SDK1: variants seen among roughly 807,000 people sequenced by gnomAD.
SDK1 encodes sidekick cell adhesion molecule 1.
SDK1 carries 157 observed loss-of-function variants against 245.5 expected under a neutral mutation model. The observed-to-expected ratio is 0.64, with a 90% confidence interval of 0.56 to 0.73. The LOEUF (loss-of-function observed/expected upper bound fraction) is 0.73, where lower values mean the gene tolerates loss of function less well. Ranked by LOEUF, SDK1 falls within the 30% of genes least tolerant of loss-of-function variation. The pLI, the probability that SDK1 is intolerant of heterozygous loss-of-function variation, is 0.00. For synonymous variants in SDK1, 1,647 were observed against 1,278.5 expected (o/e 1.29, Z -6.15); for missense variants, 3,583 against 3,002.3 (o/e 1.19, Z -4.52).
At chr7:4,007,307 A>T (rs1217819814) in intron 14 of SDK1, among the ~76,000 whole-genome samples, 2 of 152,166 alleles carry the variant, frequency 1.3e-5, no homozygotes, top group Non-Finnish European at 2.9e-5. Flanking sequence ...GCAGTTGCAG[A>T]ACCCCAGAAG....
At chr7:3,808,512 C>G (rs1232694097) in intron 4 of SDK1, among the ~76,000 whole-genome samples, 2 of 152,212 alleles carry the variant, frequency 1.3e-5, no homozygotes, top group Non-Finnish European at 2.9e-5. Context: ...GTAAATAATG[C>G]AAGGCCTCAA....
intron 1 of SDK1, among the ~76,000 whole-genome samples, chr7:3,474,183 A>G (rs192478661): frequency 8.8e-4 from 116 of 131,334 alleles, no homozygotes; most frequent in African/African-American, 3.4e-3. Flanking sequence ...GCTCACTGCA[A>G]CCTCTGCCTC....
rs1396495044 is a variant in SDK1, at chr7:4,162,006, C to T, written c.4800+150C>T. 10 of 612,086 alleles carry T rather than the reference C, an allele frequency of 1.6e-5. 1 individual carries two copies. In the South Asian group the frequency reaches 1.7e-4, roughly 10 times the overall value. 37.9% of individuals were successfully genotyped at this position (612,086 alleles called of 1,614,324 possible). On this transcript the variant is annotated intron_variant, in intron 32 of 44. Coordinates refer to ENST00000404826, the MANE Select transcript of SDK1 (RefSeq NM_152744.4). Reference sequence around the variant, plus strand: ...GGAGACACACCCTCAGACTCAAAAACGCGAGGGGGAAATGGTGTCAATTAT... The same window carrying T: ...GGAGACACACCCTCAGACTCAAAAATGCGAGGGGGAAATGGTGTCAATTAT...
intron 1 of SDK1, among the ~76,000 whole-genome samples, chr7:3,590,477 G>A (rs1431421162): frequency 2.6e-5 from 4 of 151,986 alleles, no homozygotes; most frequent in Admixed American, 6.6e-5. Context: ...GTGAATTGAC[G>A]ATTTAAGATA....
chr7:4,161,583 A>C (rs1220449736), intron 31 of SDK1, among the ~76,000 whole-genome samples: 1 of 152,132 alleles, frequency 6.6e-6, no homozygotes. Flanking sequence ...GCCATTGTTA[A>C]GGTTGGCTCC....
At chr7:3,449,933 T>C (rs1185318667) in intron 1 of SDK1, among the ~76,000 whole-genome samples, 2 of 152,180 alleles carry the variant, frequency 1.3e-5, no homozygotes, top group African/African-American at 4.8e-5. Flanking sequence ...CAGGATGCCA[T>C]GAAAACGTAG....
chr7:3,918,471 T>C (rs1041761927), intron 5 of SDK1, among the ~76,000 whole-genome samples: 6 of 152,232 alleles, frequency 3.9e-5, no homozygotes, highest in Non-Finnish European at 7.3e-5. Context: ...TAATGCCTGA[T>C]GATCTGTCCC....
intron 4 of SDK1, among the ~76,000 whole-genome samples, chr7:3,650,637 C>A (rs1738018927): frequency 2.0e-5 from 3 of 152,140 alleles, no homozygotes. Context: ...GATACATCAA[C>A]AAACAGAAGG....
intron 14 of SDK1, among the ~76,000 whole-genome samples, chr7:3,992,831 T>C (rs1005433810): frequency 2.0e-5 from 3 of 152,186 alleles, no homozygotes; most frequent in African/African-American, 4.8e-5. Context: ...AGAAATCTTA[T>C]AGTAGTGCAC....
intron 1 of SDK1, among the ~76,000 whole-genome samples, chr7:3,527,863 T>A (rs1562541318): frequency 6.7e-6 from 1 of 150,016 alleles, no homozygotes. Flanking sequence ...GAGGTGAGGC[T>A]GGATGATAGT....
In SDK1 at chr7:3,971,446, G is replaced by A. The variant is rs368582153; in HGVS notation, c.1715-20G>A. The A allele has an allele frequency of 2.4e-5, 38 of 1,565,972 alleles. No homozygotes were observed. The African/African-American group carries it at 3.1e-4, about 13-fold the overall frequency. Reference sequence around the variant, plus strand: ...TCAAACTTGTCATTTCGTCTGACTCGTGACTTGTGTTTTTTTCAGATCGGA... The same window carrying A: ...TCAAACTTGTCATTTCGTCTGACTCATGACTTGTGTTTTTTTCAGATCGGA... On this transcript the variant is annotated intron_variant, in intron 11 of 44. Transcript: ENST00000404826.
chr7:3,305,573 C>T (rs1779395361), intron 1 of SDK1, among the ~76,000 whole-genome samples: 1 of 152,158 alleles, frequency 6.6e-6, no homozygotes, highest in Admixed American at 6.5e-5. Context: ...CTTTGCTTCC[C>T]CTCCTCCTAA....
intron 5 of SDK1, among the ~76,000 whole-genome samples, chr7:3,828,420 C>G (rs1047540589): frequency 2.6e-5 from 4 of 151,756 alleles, no homozygotes; most frequent in Non-Finnish European, 4.4e-5. Flanking sequence ...GAAATTTTAT[C>G]TATGAAAAAG....
intron 17 of SDK1, among the ~76,000 whole-genome samples, chr7:4,044,104 G>T (rs1788840919): frequency 6.6e-6 from 1 of 152,198 alleles, no homozygotes; most frequent in South Asian, 2.1e-4. Flanking sequence ...TGATTTTGCG[G>T]GTCAGGAGTT....
At chr7:4,116,467 G>T (rs942506173) in intron 25 of SDK1, among the ~76,000 whole-genome samples, 1 of 152,194 alleles carries the variant, frequency 6.6e-6, no homozygotes, top group Non-Finnish European at 1.5e-5. Context: ...GGCCTGGGAA[G>T]CTCTGGATAA....
chr7:4,117,194 C>A (rs556080245), intron 25 of SDK1, among the ~76,000 whole-genome samples: 1 of 152,306 alleles, frequency 6.6e-6, no homozygotes, highest in East Asian at 1.9e-4. Context: ...ATTGGCCAGG[C>A]AGGGTCCTCA....
intron 4 of SDK1, among the ~76,000 whole-genome samples, chr7:3,697,657 G>C (rs1784613617): frequency 6.6e-6 from 1 of 152,020 alleles, no homozygotes. Flanking sequence ...AAAAGTACTT[G>C]GTTTTACTTC....
intron 5 of SDK1, among the ~76,000 whole-genome samples, chr7:3,852,922 T>A (rs932486238): frequency 2.6e-5 from 4 of 152,064 alleles, no homozygotes; most frequent in African/African-American, 9.7e-5. Context: ...TCATCTCATA[T>A]GGGTGCAGAA....
At chr7:3,316,239 A>G (rs1406900021) in intron 1 of SDK1, among the ~76,000 whole-genome samples, 1 of 152,190 alleles carries the variant, frequency 6.6e-6, no homozygotes, top group Non-Finnish European at 1.5e-5. Context: ...GACTGCATAT[A>G]TAAGGGTCCT....
Sources: gnomAD v4.1 joint callset for allele counts (sites outside exome capture counted in the v4.1 genomes callset) on GRCh38, gnomAD v4.1.1 for gene constraint, MANE v1.5 for transcripts, NCBI Gene and HGNC (gene_info 2026-07-23, HGNC 2026-07-21) for gene names.